The following KPNA4 variants were observed in gnomAD, a reference collection of about 807,000 sequenced individuals.
KPNA4 encodes karyopherin subunit alpha 4.
A neutral mutation model predicts 71.3 loss-of-function variants in KPNA4; 13 were observed. The observed-to-expected ratio is 0.18, with a 90% CI of 0.12 to 0.29. The LOEUF (loss-of-function observed/expected upper bound fraction) is 0.29, where lower values mean the gene tolerates loss of function less well. Ranked by LOEUF, KPNA4 falls within the 10% of genes least tolerant of loss-of-function variation. The probability of loss-of-function intolerance (pLI) is 1.00; values close to 1 mark genes in which losing one functional copy is unlikely to be tolerated. For missense variants in KPNA4, 334 were observed against 603.2 expected, an observed-to-expected ratio of 0.55 and a Z score of 4.67; for synonymous variants, 189 against 195.2, an observed-to-expected ratio of 0.97 and a Z score of 0.26.
In KPNA4 at chr3:160,565,181, C is replaced by A. The variant is rs751704387; in HGVS notation, c.69+33G>T. 4 of 1,565,812 alleles carry A rather than the reference C, an allele frequency of 2.6e-6. No homozygotes were observed. The South Asian group carries it at 4.6e-5, about 18-fold the overall frequency. On this transcript the variant is annotated intron_variant, in intron 1 of 16. Transcript: ENST00000334256. Reference sequence around the variant, plus strand: ...GCGGAGACCGGCCCCAGGCCCACAGCCCCCACCCCTCCGGCGTCGTCCCCG... The same window carrying A: ...GCGGAGACCGGCCCCAGGCCCACAGACCCCACCCCTCCGGCGTCGTCCCCG...
rs542474400 is a variant in KPNA4 at position 160,506,569 on chromosome 3, T to C, written c.1373-1517A>G. On this transcript the variant is annotated intron_variant, in intron 15 of 16. Coordinates refer to ENST00000334256, the MANE Select transcript of KPNA4 (RefSeq NM_002268.5). ...ACCTGAATGCACCCCATCCCCTAGA[T>C]GAATCACCAATGGCCTGCCACTCCT... 9.5e-4 allele frequency among the ~76,000 whole-genome samples: 144 copies of C among 152,160 alleles called. 1 individual carries two copies. The highest frequency in any genetic ancestry group is 1.7e-3 in the Non-Finnish European group (115 of 68,016).
At chr3:160,523,543 A>G (rs1444022775) in intron 10 of KPNA4, among the ~76,000 whole-genome samples, 2 of 151,818 alleles carry the variant, frequency 1.3e-5, no homozygotes, top group African/African-American at 4.8e-5. Flanking sequence ...ATGTAAAAAG[A>G]AGACATCAAA....
intron 16 of KPNA4, among the ~76,000 whole-genome samples, chr3:160,503,690 G>A (rs1055869318): frequency 2.0e-5 from 3 of 152,116 alleles, no homozygotes; most frequent in Non-Finnish European, 2.9e-5. Flanking sequence ...TACATGTTGA[G>A]GTATTAGAAA....
At chr3:160,557,056 C>G (rs1188830170) in intron 1 of KPNA4, among the ~76,000 whole-genome samples, 1 of 152,094 alleles carries the variant, frequency 6.6e-6, no homozygotes, top group African/African-American at 2.4e-5. Flanking sequence ...CCTCAAGGAA[C>G]CAAATCCTCT....
chr3:160,552,903 C>G (rs1722069626), intron 1 of KPNA4, among the ~76,000 whole-genome samples: 1 of 151,874 alleles, frequency 6.6e-6, no homozygotes, highest in Non-Finnish European at 1.5e-5. Flanking sequence ...TTTGGTATGG[C>G]CTTGAAGTTC....
chr3:160,556,758 A>C (rs1235905184), intron 1 of KPNA4, among the ~76,000 whole-genome samples: 1 of 152,206 alleles, frequency 6.6e-6, no homozygotes, highest in Non-Finnish European at 1.5e-5. Context: ...CATTGTTTTA[A>C]AGCTGGAGAA....
intron 13 of KPNA4, among the ~76,000 whole-genome samples, chr3:160,511,159 G>A (rs1195432570): frequency 1.3e-5 from 2 of 151,656 alleles, no homozygotes; most frequent in Admixed American, 6.6e-5. Flanking sequence ...AGGCTGGAGT[G>A]CAGTGGCGCA....
At chr3:160,524,593 C>T (rs1364073040) in intron 10 of KPNA4, among the ~76,000 whole-genome samples, 2 of 152,186 alleles carry the variant, frequency 1.3e-5, no homozygotes, top group East Asian at 1.9e-4. Flanking sequence ...ATCCTCCTGC[C>T]TCAGCCTCCT....
rs1721025629 is a variant in KPNA4 at position 160,508,268 on chromosome 3, A to G, written c.1211T>C (p.Val404Ala). ...AACATTTTGTTGGATAAGGTAAGCC[A>G]CCTGAAGAATAAAAACAACATAAAA... ...NLTISGRKDQ[V>A]AYLIQQNVIP... Residue 404 changes from valine (V) to alanine (A), a missense_variant and splice_region_variant, in exon 15 of 17, where the codon GTG becomes GCG. Transcript: ENST00000334256. 1 of 1,593,154 alleles carries G rather than the reference A, an allele frequency of 6.3e-7. No individual in the cohort carries two copies. Among genetic ancestry groups the G allele is most frequent in the Non-Finnish European group, 8.5e-7 (1 of 1,170,634 alleles).
At chr3:160,533,734 A>G (rs1485947824) in intron 5 of KPNA4, among the ~76,000 whole-genome samples, 1 of 152,224 alleles carries the variant, frequency 6.6e-6, no homozygotes, top group Non-Finnish European at 1.5e-5. Context: ...ACACAGTGAA[A>G]AAAAGGCAAA....
chr3:160,526,718 C>G (rs1192871462), intron 8 of KPNA4, among the ~76,000 whole-genome samples: 3 of 152,220 alleles, frequency 2.0e-5, no homozygotes, highest in African/African-American at 7.2e-5. Context: ...TGAAGCATCA[C>G]TGCAGTTTCT....
intron 6 of KPNA4, 103 bp from the exon 7 acceptor site, chr3:160,531,043 T>C: frequency 2.6e-6 from 2 of 767,236 alleles, no homozygotes; most frequent in Non-Finnish European, 4.2e-6. Flanking sequence ...AAATATTTTG[T>C]TTCAAAAGTT....
chr3:160,514,545 A>G (rs1225159829), intron 12 of KPNA4, among the ~76,000 whole-genome samples: 2 of 152,248 alleles, frequency 1.3e-5, no homozygotes, highest in Non-Finnish European at 2.9e-5. Context: ...ACAGCTGTAA[A>G]TAAGATTCAG....
At chr3:160,515,253 A>G in intron 12 of KPNA4, 199 bp downstream of exon 12, 1 of 634,000 alleles carries the variant, frequency 1.6e-6, no homozygotes. Flanking sequence ...CCAAAATTGC[A>G]CTTTTCATAA....
At chr3:160,537,655 T>C (rs1028312378) in intron 1 of KPNA4, among the ~76,000 whole-genome samples, 1 of 149,194 alleles carries the variant, frequency 6.7e-6, no homozygotes, top group African/African-American at 2.5e-5. Flanking sequence ...CTAATAAATA[T>C]CACAAACTTA....
At chr3:160,545,206 A>G (rs1721880400) in intron 1 of KPNA4, among the ~76,000 whole-genome samples, 1 of 152,246 alleles carries the variant, frequency 6.6e-6, no homozygotes, top group African/African-American at 2.4e-5. Context: ...TGTCAAAGAC[A>G]TTAAACTTAG....
chr3:160,533,560 GA>G (rs1193800676), intron 5 of KPNA4, among the ~76,000 whole-genome samples: 2 of 151,606 alleles, frequency 1.3e-5, no homozygotes, highest in African/African-American at 4.8e-5. Context: ...ACACTTCACT[GA>G]GGATATTTTA....
chr3:160,548,726 G>C (rs895453648), intron 1 of KPNA4, among the ~76,000 whole-genome samples: 14 of 151,870 alleles, frequency 9.2e-5, no homozygotes, highest in African/African-American at 3.4e-4. Context: ...TCCACTTTTG[G>C]ATACTGCAAA....
chr3:160,533,820 C>T (rs1721622412), intron 5 of KPNA4, among the ~76,000 whole-genome samples: 1 of 152,166 alleles, frequency 6.6e-6, no homozygotes, highest in Admixed American at 6.5e-5. Flanking sequence ...TCCCAGTGAT[C>T]CACAGATCAT....
Sources: gnomAD v4.1 joint callset for allele counts (sites outside exome capture counted in the v4.1 genomes callset) on GRCh38, gnomAD v4.1.1 for gene constraint, MANE v1.5 for transcripts, NCBI Gene and HGNC (gene_info 2026-07-23, HGNC 2026-07-21) for gene names.